Variants in KIAA1328 observed in about 807,000 individuals in gnomAD.
KIAA1328 encodes protein hinderin.
KIAA1328 carries 52 observed loss-of-function variants against 68.1 expected under a neutral mutation model. That is an observed-to-expected ratio of 0.76 (90% confidence interval 0.61 to 0.96). The LOEUF (loss-of-function observed/expected upper bound fraction) is 0.96. KIAA1328 is among the 40% of genes least tolerant of loss of function. The pLI is 0.00. For missense variants in KIAA1328, 641 were observed against 677.6 expected, an observed-to-expected ratio of 0.95 and a Z score of 0.60; for synonymous variants, 232 against 239.4, an observed-to-expected ratio of 0.97 and a Z score of 0.28.
chr18:36,966,509 T>C (rs2051944715), intron 6 of KIAA1328, among the ~76,000 whole-genome samples: 1 of 152,172 alleles, frequency 6.6e-6, no homozygotes, highest in African/African-American at 2.4e-5. Flanking sequence ...ATTTTCCATA[T>C]ACTGGAATTA....
chr18:37,185,030 G>A (rs540847279), intron 9 of KIAA1328, among the ~76,000 whole-genome samples: 1 of 152,152 alleles, frequency 6.6e-6, no homozygotes, highest in African/African-American at 2.4e-5. Flanking sequence ...GCTGGGCGTG[G>A]TGGCGGGTAC....
At chr18:36,900,955 C>T (rs142674556) in intron 5 of KIAA1328, among the ~76,000 whole-genome samples, 140 of 152,080 alleles carry the variant, frequency 9.2e-4, no homozygotes, top group African/African-American at 3.3e-3. Flanking sequence ...AAAACTTCCA[C>T]GGTTAAATGT....
chr18:36,940,006 AT>A (rs1324588800), intron 5 of KIAA1328, among the ~76,000 whole-genome samples: 1 of 79,022 alleles, frequency 1.3e-5, no homozygotes, highest in Admixed American at 1.7e-4. Flanking sequence ...AAATAGTTGA[AT>A]TTTTTTATCC....
intron 7 of KIAA1328, among the ~76,000 whole-genome samples, chr18:37,143,811 G>T: frequency 6.6e-6 from 1 of 151,270 alleles, no homozygotes; most frequent in Non-Finnish European, 1.5e-5. Flanking sequence ...TTTTCTTTTA[G>T]TGGTACCACT....
chr18:36,913,213 T>C (rs534809669), intron 5 of KIAA1328, among the ~76,000 whole-genome samples: 93 of 152,220 alleles, frequency 6.1e-4, no homozygotes, highest in Middle Eastern at 6.8e-3. Flanking sequence ...TTTCTGTTTA[T>C]GTAATGTTCT....
At chr18:36,845,125 C>G (rs1461599773) in intron 4 of KIAA1328, among the ~76,000 whole-genome samples, 1 of 151,586 alleles carries the variant, frequency 6.6e-6, no homozygotes, top group Non-Finnish European at 1.5e-5. Context: ...TCATGGGTAT[C>G]AAAGATGACT....
intron 5 of KIAA1328, chr18:36,895,878 T>C: frequency 2.3e-6 from 1 of 430,598 alleles, no homozygotes; most frequent in Non-Finnish European, 4.7e-6. Context: ...CCCCACGTTG[T>C]CCTGTGTGAG....
intron 7 of KIAA1328, among the ~76,000 whole-genome samples, chr18:37,122,582 A>G (rs1187150440): frequency 6.6e-6 from 1 of 152,144 alleles, no homozygotes; most frequent in East Asian, 1.9e-4. Context: ...AGGTGGAAAA[A>G]TTATCGTCAG....
intron 7 of KIAA1328, among the ~76,000 whole-genome samples, chr18:37,134,358 G>A (rs935415513): frequency 1.3e-5 from 2 of 151,962 alleles, no homozygotes; most frequent in Admixed American, 6.6e-5. Context: ...TATATAGGTC[G>A]TATCTGTTTA....
At chr18:36,939,120 G>T (rs984758941) in intron 5 of KIAA1328, among the ~76,000 whole-genome samples, 1 of 151,902 alleles carries the variant, frequency 6.6e-6, no homozygotes, top group Non-Finnish European at 1.5e-5. Flanking sequence ...CTATTTTTCT[G>T]TTTTTCGGAA....
chr18:37,116,167 G>A (rs2093995749), intron 7 of KIAA1328, among the ~76,000 whole-genome samples: 1 of 151,300 alleles, frequency 6.6e-6, no homozygotes, highest in Non-Finnish European at 1.5e-5. Flanking sequence ...CTACTTTAAA[G>A]TTCATATGGA....
At chr18:36,839,299 A>G (rs565670664) in intron 3 of KIAA1328, among the ~76,000 whole-genome samples, 2 of 152,180 alleles carry the variant, frequency 1.3e-5, no homozygotes, top group East Asian at 1.9e-4. Context: ...TGCTGTTGCT[A>G]TGTCTTCAAA....
intron 6 of KIAA1328, among the ~76,000 whole-genome samples, chr18:37,054,527 C>G (rs933984775): frequency 2.0e-5 from 3 of 152,116 alleles, no homozygotes; most frequent in Non-Finnish European, 2.9e-5. Context: ...TGGATGCAGC[C>G]AGAGGCCATT....
At chr18:37,205,561 G>T (rs1032694767) in intron 9 of KIAA1328, among the ~76,000 whole-genome samples, 5 of 152,138 alleles carry the variant, frequency 3.3e-5, no homozygotes, top group African/African-American at 4.8e-5. Flanking sequence ...GGAACAGTTC[G>T]GTTTTCTTCA....
rs578178402 is a variant in KIAA1328 at position 36,865,276 on chromosome 18, C to T, written c.333-20281C>T. Among the ~76,000 whole-genome samples, 226 of 151,920 alleles carry T rather than the reference C, an allele frequency of 1.5e-3. 1 individual carries two copies. The highest frequency in any genetic ancestry group is 5.1e-3 in the African/African-American group (213 of 41,490). ...TCTTTGATTTTATTTTCATTCAATT[C>T]TATGTATTTTTTTATTTCCCTTGAG... is the stretch of plus-strand genomic sequence containing the variant. On this transcript the variant is annotated intron_variant, in intron 4 of 9. Transcript: ENST00000280020.
At chr18:37,039,151 A>T (rs953677944) in intron 6 of KIAA1328, among the ~76,000 whole-genome samples, 1 of 152,098 alleles carries the variant, frequency 6.6e-6, no homozygotes, top group Non-Finnish European at 1.5e-5. Flanking sequence ...CTACATTCCT[A>T]GGAATATATT....
chr18:37,081,404 T>G (rs952078296), intron 7 of KIAA1328, among the ~76,000 whole-genome samples: 10 of 152,186 alleles, frequency 6.6e-5, no homozygotes, highest in Admixed American at 3.3e-4. Flanking sequence ...AATTAATCAG[T>G]ATCACAATTT....
intron 5 of KIAA1328, among the ~76,000 whole-genome samples, chr18:36,923,557 A>G (rs965274876): frequency 4.6e-5 from 7 of 152,194 alleles, no homozygotes; most frequent in Admixed American, 1.3e-4. Context: ...AAAGGGATAA[A>G]TAGATAAGTT....
At chr18:36,942,747 T>G (rs1158182439) in intron 5 of KIAA1328, among the ~76,000 whole-genome samples, 1 of 152,214 alleles carries the variant, frequency 6.6e-6, no homozygotes, top group Non-Finnish European at 1.5e-5. Flanking sequence ...CTCTTGTGTA[T>G]GGTAGAAATT....
Sources: gnomAD v4.1 joint callset for allele counts (sites outside exome capture counted in the v4.1 genomes callset) on GRCh38, gnomAD v4.1.1 for gene constraint, MANE v1.5 for transcripts, NCBI Gene and HGNC (gene_info 2026-07-23, HGNC 2026-07-21) for gene names.